The following ROBO1 variants were observed in gnomAD, a reference collection of about 807,000 sequenced individuals.
The protein encoded by ROBO1 is roundabout homolog 1.
Under a neutral mutation model 195.9 loss-of-function variants are expected in ROBO1, and 149 were observed. That is an observed-to-expected ratio of 0.76 (90% CI 0.67 to 0.87). The LOEUF (loss-of-function observed/expected upper bound fraction) is 0.87, where lower values mean the gene tolerates loss of function less well. Among genes scored for constraint, ROBO1 ranks in the 40% least tolerant of loss-of-function variants. The probability of loss-of-function intolerance (pLI) is 0.00; values close to 1 mark genes in which losing one functional copy is unlikely to be tolerated. For synonymous variants in ROBO1, 816 were observed against 733.2 expected (o/e 1.11, Z -1.82); for missense variants, 1,933 against 2,068.3 (o/e 0.93, Z 1.27).
intron 2 of ROBO1, among the ~76,000 whole-genome samples, chr3:79,575,210 G>T (rs35922554): frequency 0.015 from 1,527 of 99,908 alleles, 93 homozygotes; most frequent in Middle Eastern, 0.065. Context: ...ATATATAACA[G>T]ATATATATAT....
At chr3:79,034,248 T>C (rs1361184451) in intron 3 of ROBO1, among the ~76,000 whole-genome samples, 2 of 152,204 alleles carry the variant, frequency 1.3e-5, no homozygotes, top group African/African-American at 4.8e-5. Flanking sequence ...CCTTTGCCTT[T>C]ACAGTTATTC....
chr3:79,341,713 T>C (rs963678161), intron 2 of ROBO1, among the ~76,000 whole-genome samples: 2 of 152,136 alleles, frequency 1.3e-5, no homozygotes, highest in African/African-American at 4.8e-5. Flanking sequence ...ATATTAAACG[T>C]TTAGCCCATC....
intron 1 of ROBO1, among the ~76,000 whole-genome samples, chr3:79,636,616 T>C (rs907169339): frequency 6.6e-6 from 1 of 152,066 alleles, no homozygotes; most frequent in Admixed American, 6.6e-5. Flanking sequence ...TTCAAGACAT[T>C]GAGAGAACAA....
At chr3:79,203,129 G>C (rs914813658) in intron 2 of ROBO1, among the ~76,000 whole-genome samples, 2 of 152,138 alleles carry the variant, frequency 1.3e-5, no homozygotes, top group African/African-American at 4.8e-5. Context: ...AATATTACCA[G>C]AACTACAAGT....
At chr3:79,214,721 A>T (rs116084540) in intron 2 of ROBO1, among the ~76,000 whole-genome samples, 2,334 of 148,998 alleles carry the variant, frequency 0.016, 45 homozygotes, top group African/African-American at 0.051. Flanking sequence ...ATTGCTATAT[A>T]TATATATTTG....
intron 2 of ROBO1, among the ~76,000 whole-genome samples, chr3:79,539,258 T>C (rs1196452803): frequency 6.6e-6 from 1 of 152,128 alleles, no homozygotes; most frequent in Admixed American, 6.6e-5. Flanking sequence ...AGATAATTTG[T>C]TATGGGATAC....
At chr3:78,925,103 T>C (rs2039138303) in intron 4 of ROBO1, among the ~76,000 whole-genome samples, 1 of 152,150 alleles carries the variant, frequency 6.6e-6, no homozygotes, top group Non-Finnish European at 1.5e-5. Context: ...GGTAAACTTT[T>C]ACACTATACA....
At chr3:78,674,175 T>C (rs946794007) in intron 10 of ROBO1, among the ~76,000 whole-genome samples, 5 of 152,180 alleles carry the variant, frequency 3.3e-5, no homozygotes, top group Non-Finnish European at 7.3e-5. Context: ...AGAAAGATGT[T>C]CAGTTAAATA....
chr3:79,122,216 G>A (rs182899981), intron 3 of ROBO1, among the ~76,000 whole-genome samples: 9 of 152,014 alleles, frequency 5.9e-5, no homozygotes, highest in East Asian at 3.9e-4. Flanking sequence ...GCTATATGCC[G>A]CGAACTGTTA....
chr3:79,558,590 A>T (rs1211979112), intron 2 of ROBO1, among the ~76,000 whole-genome samples: 1 of 152,100 alleles, frequency 6.6e-6, no homozygotes, highest in South Asian at 2.1e-4. Flanking sequence ...TCCATTTTTC[A>T]TGGGTAAACT....
At chr3:79,740,522 C>G (rs1259481688) in intron 1 of ROBO1, among the ~76,000 whole-genome samples, 3 of 152,070 alleles carry the variant, frequency 2.0e-5, no homozygotes, top group Non-Finnish European at 4.4e-5. Context: ...AGGAAACTTA[C>G]AATCATGACA....
intron 2 of ROBO1, among the ~76,000 whole-genome samples, chr3:79,588,517 A>G (rs900129328): frequency 1.3e-5 from 2 of 151,736 alleles, no homozygotes; most frequent in Non-Finnish European, 3.0e-5. Context: ...ATCTGTGTCT[A>G]TCTATAGTTG....
chr3:78,866,160 C>T (rs935739618), intron 4 of ROBO1, among the ~76,000 whole-genome samples: 1 of 152,104 alleles, frequency 6.6e-6, no homozygotes, highest in African/African-American at 2.4e-5. Context: ...TTGTAATTGT[C>T]AGTCTGCTTA....
intron 2 of ROBO1, among the ~76,000 whole-genome samples, chr3:79,548,351 T>A (rs1052270475): frequency 1.3e-5 from 2 of 152,208 alleles, no homozygotes; most frequent in Admixed American, 1.3e-4. Flanking sequence ...AGCATCCCAC[T>A]CTTCAATCAT....
At chr3:79,475,151 A>T (rs7612696) in intron 2 of ROBO1, among the ~76,000 whole-genome samples, 87,006 of 147,988 alleles carry the variant, frequency 0.59, 25,403 homozygotes, top group African/African-American at 0.66. Flanking sequence ...CTTTTTTTTT[A>T]AAAAAAAATC....
intron 2 of ROBO1, among the ~76,000 whole-genome samples, chr3:79,238,159 A>G (rs1000310313): frequency 1.3e-5 from 2 of 152,338 alleles, no homozygotes; most frequent in South Asian, 2.1e-4. Flanking sequence ...AAATACATTT[A>G]TTTAGTACAT....
intron 10 of ROBO1, among the ~76,000 whole-genome samples, chr3:78,681,896 T>C (rs1326061189): frequency 6.6e-6 from 1 of 151,474 alleles, no homozygotes; most frequent in East Asian, 2.0e-4. Flanking sequence ...AGTCTCAAAA[T>C]AAAAAAGACG....
chr3:79,045,799 T>A (rs548882944), intron 3 of ROBO1, among the ~76,000 whole-genome samples: 137 of 152,270 alleles, frequency 9.0e-4, no homozygotes, highest in African/African-American at 3.2e-3. Flanking sequence ...TTTCTCCAAA[T>A]AATTCTTAGT....
chr3:78,918,022 A>AT (rs547047773), intron 4 of ROBO1, among the ~76,000 whole-genome samples: 132 of 152,322 alleles, frequency 8.7e-4, no homozygotes, highest in African/African-American at 3.0e-3. Context: ...AGAAATGCAC[A>AT]TGGAAATGCC....
Sources: allele counts gnomAD v4.1 joint callset (sites outside exome capture counted in the v4.1 genomes callset), GRCh38; gene constraint gnomAD v4.1.1; transcripts MANE v1.5; gene names NCBI Gene and HGNC (gene_info 2026-07-23, HGNC 2026-07-21).